CYTH3: variants seen among roughly 807,000 people sequenced by gnomAD.
The protein encoded by CYTH3 is cytohesin-3.
In CYTH3, 23 loss-of-function variants were observed where a neutral mutation model predicts 55.1. That is an observed-to-expected ratio of 0.42 (90% CI 0.30 to 0.59). The LOEUF (loss-of-function observed/expected upper bound fraction) is 0.59, where lower values mean the gene tolerates loss of function less well. Ranked by LOEUF, CYTH3 falls within the 20% of genes least tolerant of loss-of-function variation. The pLI, the probability that CYTH3 is intolerant of heterozygous loss-of-function variation, is 0.20. For synonymous variants in CYTH3, 249 were observed against 194.9 expected (o/e 1.28, Z -2.31); for missense variants, 413 against 524.8 (o/e 0.79, Z 2.08).
intron 1 of CYTH3, among the ~76,000 whole-genome samples, chr7:6,258,713 C>CCCCAAATA (rs1385000720): frequency 2.6e-5 from 4 of 152,136 alleles, no homozygotes; most frequent in African/African-American, 9.7e-5. Context: ...TTCTTCTGTC[C>CCCCAAATA]CCCAAATATC....
intron 1 of CYTH3, among the ~76,000 whole-genome samples, chr7:6,259,791 A>ATATAT (rs1554255111): frequency 1.3e-4 from 2 of 15,030 alleles, no homozygotes; most frequent in African/African-American, 2.0e-3. Context: ...TATAATATAT[A>ATATAT]TATATATATA....
intron 5 of CYTH3, among the ~76,000 whole-genome samples, chr7:6,174,357 C>T (rs1454868950): frequency 2.0e-5 from 3 of 152,042 alleles, no homozygotes; most frequent in Non-Finnish European, 2.9e-5. Context: ...TCAGGTGATC[C>T]GCCCACCTCA....
chr7:6,189,346 T>C (rs1783739326), intron 2 of CYTH3, among the ~76,000 whole-genome samples: 2 of 152,128 alleles, frequency 1.3e-5, no homozygotes, highest in South Asian at 2.1e-4. Context: ...TCTTGCTCTG[T>C]TGCCCAGTCC....
At chr7:6,220,701 A>C (rs1446404706) in intron 1 of CYTH3, among the ~76,000 whole-genome samples, 1 of 152,126 alleles carries the variant, frequency 6.6e-6, no homozygotes, top group Non-Finnish European at 1.5e-5. Flanking sequence ...TTCTTATAAA[A>C]CTAAACATAC....
At chr7:6,231,986 T>C (rs986006369) in intron 1 of CYTH3, among the ~76,000 whole-genome samples, 2 of 152,228 alleles carry the variant, frequency 1.3e-5, no homozygotes, top group South Asian at 2.1e-4. Context: ...TTCTGCTTTC[T>C]TGCCCCCGTT....
intron 1 of CYTH3, among the ~76,000 whole-genome samples, chr7:6,229,749 G>A (rs986670367): frequency 1.2e-4 from 18 of 151,668 alleles, no homozygotes; most frequent in African/African-American, 3.6e-4. Flanking sequence ...CCCGGGAGGC[G>A]GAGTTTGCCA....
At chr7:6,269,801 A>C (rs1780604541) in intron 1 of CYTH3, among the ~76,000 whole-genome samples, 1 of 152,206 alleles carries the variant, frequency 6.6e-6, no homozygotes, top group Admixed American at 6.5e-5. Context: ...CAGTGGACAA[A>C]AAGCTAAATT....
chr7:6,243,656 A>C (rs1779731829), intron 1 of CYTH3, among the ~76,000 whole-genome samples: 1 of 152,238 alleles, frequency 6.6e-6, no homozygotes, highest in Non-Finnish European at 1.5e-5. Context: ...TAATTAAATT[A>C]CAGCCAGCCA....
chr7:6,253,139 T>G lies in CYTH3; in HGVS notation c.34+19335A>C, dbSNP rs551009502. ...AGCACTTATCAATTCTGCTTACACA[T>G]GCAATCTAGTCTATAGGATGCAAAT... On this transcript the variant is annotated intron_variant, in intron 1 of 12. Transcript: ENST00000350796. Among the ~76,000 whole-genome samples, 14 of 152,118 alleles carry G rather than the reference T, an allele frequency of 9.2e-5. No individual in the cohort carries two copies. In the East Asian group the frequency reaches 2.7e-3, roughly 29 times the overall value.
intron 4 of CYTH3, among the ~76,000 whole-genome samples, chr7:6,180,185 C>T (rs989127673): frequency 1.3e-5 from 2 of 152,132 alleles, no homozygotes; most frequent in African/African-American, 4.8e-5. Flanking sequence ...GGGGCCTGAC[C>T]CTGCATGGTG....
At chr7:6,190,600 G>A in intron 1 of CYTH3, 69 bp from the exon 2 acceptor site, 1 of 1,228,996 alleles carries the variant, frequency 8.1e-7, no homozygotes, top group South Asian at 1.5e-5. Flanking sequence ...GGTTGAGGTG[G>A]GTACATGCTG....
At chr7:6,237,432 C>T (rs1461321244) in intron 1 of CYTH3, among the ~76,000 whole-genome samples, 2 of 152,094 alleles carry the variant, frequency 1.3e-5, no homozygotes, top group South Asian at 2.1e-4. Flanking sequence ...ACATGCAGCC[C>T]GGTGTGGTGG....
Position 6,171,058 on chromosome 7 carries a change from A to G in CYTH3, c.563-80T>C. 6.3e-7 allele frequency: 1 copy of G among 1,596,666 alleles called. No homozygotes were observed. Among genetic ancestry groups the G allele is most frequent in the East Asian group, 2.2e-5 (1 of 44,620 alleles). On this transcript the variant is annotated intron_variant, in intron 7 of 12. Transcript: ENST00000350796. This position sits in a 1 kb window ranked among gnomAD's most constrained non-coding sequence, Gnocchi z 6.7. ...CCCCGCGTGCTGGGGGCCCGCCTGC[A>G]AGAGGTGCCCGGCCCACAGGTCGTC...
In CYTH3 at chr7:6,162,233, G is replaced by A. The variant is rs1782850685; in HGVS notation, c.*2711C>T. On this transcript the variant is annotated 3_prime_UTR_variant, in exon 13 of 13. Transcript: ENST00000350796. ...AGACACAAAGTTGCTGCTTATCTGG[G>A]TCCAGGGTCAGTACAATTAAACTCA... The A allele has an allele frequency of 6.6e-6, 1 of 152,356 alleles. No individual in the cohort carries two copies. Among genetic ancestry groups the A allele is most frequent in the Non-Finnish European group, 1.5e-5 (1 of 68,038 alleles). The allele number at this position is 152,356 out of a possible 1,614,324, so 9.4% of individuals were successfully genotyped here. A position where few individuals can be genotyped will look rare whatever the true frequency, so the allele number is the denominator to read the frequency against.
intron 1 of CYTH3, among the ~76,000 whole-genome samples, chr7:6,239,334 C>T (rs906510767): frequency 5.3e-5 from 8 of 152,144 alleles, no homozygotes; most frequent in African/African-American, 1.4e-4. Context: ...ACCACTGCCC[C>T]GTCTCCATCC....
intron 1 of CYTH3, among the ~76,000 whole-genome samples, chr7:6,251,335 T>C (rs1779958329): frequency 6.6e-6 from 1 of 151,768 alleles, no homozygotes; most frequent in Non-Finnish European, 1.5e-5. Flanking sequence ...ATTCTTTTTT[T>C]TTTTTTTCTT....
At chr7:6,272,371 C>CAG in intron 1 of CYTH3, 103 bp downstream of exon 1, 1 of 1,120,970 alleles carries the variant, frequency 8.9e-7, no homozygotes, top group South Asian at 3.1e-5. Flanking sequence ...CCCCCGACCC[C>CAG]GTCTCCTCCG....
intron 1 of CYTH3, among the ~76,000 whole-genome samples, chr7:6,246,916 C>G (rs1344809679): frequency 6.6e-6 from 1 of 151,240 alleles, no homozygotes; most frequent in African/African-American, 2.4e-5. Flanking sequence ...GTTCCGCATT[C>G]TTGAGTTATT....
At chr7:6,198,289 C>T (rs942052094) in intron 1 of CYTH3, among the ~76,000 whole-genome samples, 9 of 152,228 alleles carry the variant, frequency 5.9e-5, no homozygotes, top group Admixed American at 2.0e-4. Flanking sequence ...TGCGGAGCTT[C>T]TAAGTACCTT....
Sources: allele counts gnomAD v4.1 joint callset (sites outside exome capture counted in the v4.1 genomes callset), GRCh38; gene constraint gnomAD v4.1.1; non-coding constraint Gnocchi (gnomAD v3.1); transcripts MANE v1.5; gene names NCBI Gene and HGNC (gene_info 2026-07-23, HGNC 2026-07-21).